GABRG3: variants seen among roughly 807,000 people sequenced by gnomAD.
The protein encoded by GABRG3 is gamma-aminobutyric acid type A receptor subunit gamma3, also known as gamma-aminobutyric acid receptor subunit gamma-3.
In GABRG3, 25 loss-of-function variants were observed where a neutral mutation model predicts 48.8. That is an observed-to-expected ratio of 0.51 (90% confidence interval 0.37 to 0.72). The LOEUF (loss-of-function observed/expected upper bound fraction) is 0.72. GABRG3 is among the 30% of genes least tolerant of loss of function. GABRG3 has a pLI of 0.00. For missense variants in GABRG3, 394 were observed against 577.9 expected (o/e 0.68, Z 3.26); for synonymous variants, 227 against 217.6 (o/e 1.04, Z -0.38).
chr15:27,330,760 G>T lies in GABRG3; in HGVS notation c.574+1872G>T, dbSNP rs184324449. ...GTGAATGCCTTTCTGGAATTAGTTG[G>T]CAATGAGCATAAAGTACTAGGAAGA... On this transcript the variant is annotated intron_variant, in intron 5 of 9. Transcript: ENST00000615808. Among the ~76,000 whole-genome samples the T allele has an allele frequency of 1.4e-3, 210 of 152,298 alleles. 2 individuals are homozygous for T. The highest frequency in any genetic ancestry group is 2.4e-3 in the Non-Finnish European group (160 of 68,034).
rs547087311 is a variant in GABRG3, at chr15:27,467,157, T to C, written c.575-13493T>C. Among the ~76,000 whole-genome samples the C allele has an allele frequency of 1.3e-3, 196 of 152,260 alleles. 1 individual carries two copies. Among genetic ancestry groups the C allele is most frequent in the African/African-American group, 4.5e-3 (188 of 41,554 alleles). On this transcript the variant is annotated intron_variant, in intron 5 of 9. Coordinates refer to ENST00000615808, the MANE Select transcript of GABRG3 (RefSeq NM_033223.5). ...GACCCGGTGTCTGGTGAGGGCCCTCTTCCTGGCCTGCAGATGTGCACCCTG... is the reference window on the plus strand; with the variant it reads ...GACCCGGTGTCTGGTGAGGGCCCTCCTCCTGGCCTGCAGATGTGCACCCTG...
intron 7 of GABRG3, among the ~76,000 whole-genome samples, chr15:27,524,514 G>A (rs1208072533): frequency 1.3e-5 from 2 of 151,966 alleles, no homozygotes; most frequent in Non-Finnish European, 2.9e-5. Flanking sequence ...TATAATGGTT[G>A]AAGCAAAAAA....
At chr15:27,024,862 A>C (rs1425297843) in intron 2 of GABRG3, among the ~76,000 whole-genome samples, 1 of 152,022 alleles carries the variant, frequency 6.6e-6, no homozygotes, top group African/African-American at 2.4e-5. Context: ...CCCCGTCTCT[A>C]CTAAAAATAC....
chr15:27,197,512 G>A (rs1237052653), intron 3 of GABRG3, among the ~76,000 whole-genome samples: 1 of 151,154 alleles, frequency 6.6e-6, no homozygotes, highest in Non-Finnish European at 1.5e-5. Context: ...GAATGAGAGA[G>A]CCACTGCATG....
chr15:27,369,847 A>T (rs1425290755), intron 5 of GABRG3, among the ~76,000 whole-genome samples: 1 of 148,132 alleles, frequency 6.8e-6, no homozygotes, highest in Non-Finnish European at 1.5e-5. Context: ...ATGGTATCAT[A>T]CTAAGAAAAA....
At chr15:27,386,516 A>G (rs187681441) in intron 5 of GABRG3, among the ~76,000 whole-genome samples, 15 of 152,252 alleles carry the variant, frequency 9.9e-5, no homozygotes, top group Admixed American at 2.6e-4. Context: ...TGTTTGAACA[A>G]TAACCCTGGG....
chr15:27,000,634 C>T (rs1895426623), intron 2 of GABRG3, among the ~76,000 whole-genome samples: 1 of 151,988 alleles, frequency 6.6e-6, no homozygotes, highest in South Asian at 2.1e-4. Flanking sequence ...TGTATCGCCT[C>T]CCCCCACCAC....
chr15:27,132,860 TC>T (rs796724034), intron 3 of GABRG3, among the ~76,000 whole-genome samples: 89 of 152,072 alleles, frequency 5.9e-4, no homozygotes, highest in African/African-American at 1.9e-3. Flanking sequence ...AGTTCATTTT[TC>T]TTTTTCCAGT....
At chr15:27,107,650 C>T (rs987192297) in intron 3 of GABRG3, among the ~76,000 whole-genome samples, 3 of 151,850 alleles carry the variant, frequency 2.0e-5, no homozygotes, top group African/African-American at 4.8e-5. Flanking sequence ...ATAGAATTTG[C>T]CAGTGAAATA....
At chr15:27,530,980 G>T (rs1431672324) in intron 9 of GABRG3, 1 of 291,104 alleles carries the variant, frequency 3.4e-6, no homozygotes, top group Non-Finnish European at 6.8e-6. Flanking sequence ...GAAGGGAACT[G>T]CTATGTTTTA....
intron 5 of GABRG3, among the ~76,000 whole-genome samples, chr15:27,450,357 C>G (rs1029993048): frequency 6.6e-6 from 1 of 152,142 alleles, no homozygotes; most frequent in African/African-American, 2.4e-5. Context: ...TTAAAGAGAT[C>G]GTACACCATG....
intron 5 of GABRG3, among the ~76,000 whole-genome samples, chr15:27,412,665 G>T (rs547106364): frequency 6.6e-6 from 1 of 152,340 alleles, no homozygotes; most frequent in African/African-American, 2.4e-5. Context: ...GGAAGAGGCA[G>T]CGTGGTCTTA....
intron 5 of GABRG3, among the ~76,000 whole-genome samples, chr15:27,359,598 A>T (rs530020786): frequency 1.3e-5 from 2 of 152,366 alleles, no homozygotes; most frequent in South Asian, 4.1e-4. Flanking sequence ...TAGCCTCATG[A>T]TTAAGAACAT....
At chr15:27,439,907 C>T (rs1334116440) in intron 5 of GABRG3, among the ~76,000 whole-genome samples, 1 of 152,180 alleles carries the variant, frequency 6.6e-6, no homozygotes, top group East Asian at 1.9e-4. Flanking sequence ...GCACCAGAGA[C>T]CTTATTGCGT....
chr15:27,307,020 A>T (rs1248241782), intron 3 of GABRG3, among the ~76,000 whole-genome samples: 1 of 118,696 alleles, frequency 8.4e-6, no homozygotes, highest in Non-Finnish European at 1.6e-5. Context: ...AAACATGTTT[A>T]TATATAAACA....
intron 2 of GABRG3, among the ~76,000 whole-genome samples, chr15:27,000,217 T>C (rs1175912817): frequency 1.3e-5 from 2 of 152,222 alleles, no homozygotes; most frequent in African/African-American, 4.8e-5. Context: ...TCAGACACTG[T>C]GAATTTTATC....
rs79950406 is a variant in GABRG3, at chr15:27,247,331, C to A, written c.271-79478C>A. ...GGCTTAGTGCTCCTGCCACTCTCTT[C>A]CAGCCCCAGCTCTGCAAAGCCCCTC... On this transcript the variant is annotated intron_variant, in intron 3 of 9. Coordinates refer to ENST00000615808, the MANE Select transcript of GABRG3 (RefSeq NM_033223.5). Among the ~76,000 whole-genome samples, 1,217 of 152,246 alleles carry A rather than the reference C, an allele frequency of 8.0e-3. 20 individuals are homozygous for A. Among genetic ancestry groups the A allele is most frequent in the African/African-American group, 0.027 (1,123 of 41,544 alleles).
intron 2 of GABRG3, among the ~76,000 whole-genome samples, chr15:27,002,607 A>C (rs949489278): frequency 2.6e-5 from 4 of 151,970 alleles, no homozygotes; most frequent in African/African-American, 9.7e-5. Flanking sequence ...ATAGTATAAA[A>C]ACTAGAAATA....
chr15:27,155,957 C>A (rs1226141098), intron 3 of GABRG3, among the ~76,000 whole-genome samples: 2 of 152,046 alleles, frequency 1.3e-5, no homozygotes, highest in Non-Finnish European at 2.9e-5. Context: ...GCCAAGTCCA[C>A]CATTTTATCT....
Sources: gnomAD v4.1 joint callset for allele counts (sites outside exome capture counted in the v4.1 genomes callset) on GRCh38, gnomAD v4.1.1 for gene constraint, MANE v1.5 for transcripts, NCBI Gene and HGNC (gene_info 2026-07-23, HGNC 2026-07-21) for gene names.